The following SUGP2 variants were observed in gnomAD, a reference collection of about 807,000 sequenced individuals.
SUGP2 encodes SURP and G-patch domain-containing protein 2.
In SUGP2, 24 loss-of-function variants were observed where a neutral mutation model predicts 90.5. The ratio of observed to expected loss-of-function variants is 0.27; its 90% CI spans 0.19 to 0.37. The LOEUF (loss-of-function observed/expected upper bound fraction) is 0.37. Ranked by LOEUF, SUGP2 falls within the 10% of genes least tolerant of loss-of-function variation. The probability of loss-of-function intolerance (pLI) is 1.00; values close to 1 mark genes in which losing one functional copy is unlikely to be tolerated. For missense variants in SUGP2, 1,233 were observed against 1,363.3 expected, an observed-to-expected ratio of 0.90 and a Z score of 1.51; for synonymous variants, 473 against 513.4, an observed-to-expected ratio of 0.92 and a Z score of 1.06.
chr19:19,009,617 C>G (rs2058223988), intron 5 of SUGP2, among the ~76,000 whole-genome samples: 1 of 152,200 alleles, frequency 6.6e-6, no homozygotes, highest in South Asian at 2.1e-4. Flanking sequence ...AGGCATGGGG[C>G]AGCACCTCAT....
chr19:18,999,566 C>T (rs996427066), intron 8 of SUGP2, among the ~76,000 whole-genome samples: 2 of 152,198 alleles, frequency 1.3e-5, no homozygotes, highest in African/African-American at 4.8e-5. Flanking sequence ...CAGATGCCAG[C>T]TCAGCCTAAA....
chr19:19,026,098 C>G lies in SUGP2; in HGVS notation c.250G>C (p.Val84Leu), dbSNP rs766348724. ...GATCTGAAGGAAGGCCCTGGAAATACGTCACTTCTCAGGCCTTCTCTTCCG... is the reference window on the plus strand; with the variant it reads ...GATCTGAAGGAAGGCCCTGGAAATAGGTCACTTCTCAGGCCTTCTCTTCCG... ...DAGREGLRSD[V>L]FPGPSFRSSN... is the part of the protein sequence containing the mutation. Residue 84 changes from valine (V) to leucine (L), a missense_variant, in exon 3 of 11, where the codon GTA becomes CTA. By Grantham distance (32) the Val-to-Leu change is conservative. Coordinates refer to ENST00000452918, the MANE Select transcript of SUGP2 (RefSeq NM_001017392.5). 1.3e-5 allele frequency: 21 copies of G among 1,614,164 alleles called. No individual in the cohort carries two copies. The highest frequency in any genetic ancestry group is 1.8e-5 in the Non-Finnish European group (21 of 1,180,034).
At chr19:18,994,321 C>A (rs755601105) in intron 10 of SUGP2, 45 bp downstream of exon 10, 3 of 1,591,778 alleles carry the variant, frequency 1.9e-6, no homozygotes, top group African/African-American at 1.3e-5. Context: ...CATACCAGCA[C>A]GCCAGCGAGG....
At chr19:19,019,331 G>C in intron 3 of SUGP2, 102 bp from the exon 4 acceptor site, 1 of 1,336,416 alleles carries the variant, frequency 7.5e-7, no homozygotes, top group Non-Finnish European at 1.0e-6. Flanking sequence ...AACCCAAGCA[G>C]GCATCAACAA....
At position 19,026,179 on chromosome 19, in the gene SUGP2, C is replaced by T. The variant is rs770764771; in HGVS notation, c.169G>A (p.Val57Ile). Residue 57 changes from valine (V) to isoleucine (I), a missense_variant, in exon 3 of 11, where the codon GTC becomes ATC. By Grantham distance (29) the Val-to-Ile change is conservative. Coordinates refer to ENST00000452918, the MANE Select transcript of SUGP2 (RefSeq NM_001017392.5). ...PRSRAEMYDD[V>I]HSDGRYSLSG... ...AGGGAGTATCTGCCATCGCTGTGGACGTCATCATACATCTCTGCTCTGGAT... is the reference window on the plus strand; with the variant it reads ...AGGGAGTATCTGCCATCGCTGTGGATGTCATCATACATCTCTGCTCTGGAT... The T allele has an allele frequency of 1.4e-5, 23 of 1,611,868 alleles. No individual in the cohort carries two copies. Among genetic ancestry groups the T allele is most frequent in the Admixed American group, 3.3e-5 (2 of 59,814 alleles).
At chr19:19,030,189 A>G (rs2059099426) in intron 2 of SUGP2, among the ~76,000 whole-genome samples, 1 of 151,978 alleles carries the variant, frequency 6.6e-6, no homozygotes, top group South Asian at 2.1e-4. Context: ...AACATAAAAA[A>G]CACCAAAAAA....
chr19:19,006,961 C>T (rs962193681), intron 6 of SUGP2, among the ~76,000 whole-genome samples: 8 of 152,200 alleles, frequency 5.3e-5, no homozygotes, highest in South Asian at 2.1e-4. Flanking sequence ...GAGAAATGCA[C>T]GTTTTCAACT....
At chr19:19,033,633 T>C, upstream of SUGP2, 1 of 1,120,590 alleles carries the variant, frequency 8.9e-7, no homozygotes, top group Non-Finnish European at 1.1e-6. Flanking sequence ...AAGCGCGCTG[T>C]CCGCTTCTTC....
At chr19:19,023,190 C>A (rs1391256740) in intron 3 of SUGP2, among the ~76,000 whole-genome samples, 1 of 152,098 alleles carries the variant, frequency 6.6e-6, no homozygotes, top group Non-Finnish European at 1.5e-5. Context: ...AAGGTGTATC[C>A]ACTATGTGGA....
chr19:19,002,776 G>A (rs1253029999), intron 7 of SUGP2, among the ~76,000 whole-genome samples: 1 of 151,902 alleles, frequency 6.6e-6, no homozygotes, highest in East Asian at 1.9e-4. Flanking sequence ...GCCTCCCAGA[G>A]TGCTGGGATT....
rs2057337349 is a variant in SUGP2, at chr19:18,990,982, T to C, written c.*2759A>G. The stretch of plus-strand genomic sequence containing the variant: ...TAAAAAACAGAAACAAAAGAAAACT[T>C]CCATTTTGTAACATCACAAATGTCT... On this transcript the variant is annotated 3_prime_UTR_variant, in exon 11 of 11. Transcript: ENST00000452918. 1 of 152,150 alleles carries C rather than the reference T, an allele frequency of 6.6e-6. No individual in the cohort carries two copies. Among genetic ancestry groups the C allele is most frequent in the Admixed American group, 6.5e-5 (1 of 15,278 alleles). 9.4% of individuals were successfully genotyped at this position (152,150 alleles called of 1,614,324 possible).
At chr19:19,033,279 C>T in intron 1 of SUGP2, 158 bp downstream of exon 1, 1 of 853,616 alleles carries the variant, frequency 1.2e-6, no homozygotes, top group Non-Finnish European at 1.4e-6. Context: ...AGGCCGCAGC[C>T]GGCCACCCAG....
intron 3 of SUGP2, among the ~76,000 whole-genome samples, chr19:19,022,741 A>G (rs1015532484): frequency 2.0e-5 from 3 of 152,064 alleles, no homozygotes; most frequent in Non-Finnish European, 4.4e-5. Context: ...TTAAGCCCTG[A>G]GCCTACTTCT....
At chr19:18,996,258 T>C (rs764550066) in intron 8 of SUGP2, among the ~76,000 whole-genome samples, 1 of 152,246 alleles carries the variant, frequency 6.6e-6, no homozygotes, top group East Asian at 1.9e-4. Context: ...TAGCCAGGCA[T>C]GGTGGCAGGC....
At position 19,025,290 on chromosome 19, in the gene SUGP2, G is replaced by C. The variant is rs199867355; in HGVS notation, c.1058C>G (p.Thr353Ser). 5.7e-4 allele frequency: 920 copies of C among 1,613,314 alleles called. 8 individuals are homozygous for C. The highest frequency in any genetic ancestry group is 5.1e-3 in the South Asian group (467 of 90,924). The change falls in exon 3 of 11, where the codon ACT (threonine) becomes AGT (serine). Residue 353 changes from threonine to serine, a missense_variant. Physicochemically the swap from Thr to Ser is moderately conservative, Grantham distance 58 (BLOSUM62 1). Around this residue, in one of 8 missense-constraint regions of SUGP2, gnomAD observed 55 missense variants for 82.0 expected, o/e 0.67. Coordinates refer to ENST00000452918, the MANE Select transcript of SUGP2 (RefSeq NM_001017392.5). ...GGTTTCTGTTTCAAGTTCAAAGAGA[G>C]TCTGGAAAAGTTGGGAAAATTTAAT... ...DDIKFSQLFQ[T>S]LFELETETCA...
chr19:19,015,424 A>G (rs1044945876), intron 4 of SUGP2, among the ~76,000 whole-genome samples: 2 of 152,208 alleles, frequency 1.3e-5, no homozygotes, highest in African/African-American at 4.8e-5. Flanking sequence ...CATGCACACC[A>G]GAAACCTAAG....
chr19:18,996,950 C>A (rs74906295), intron 8 of SUGP2, among the ~76,000 whole-genome samples: 187 of 151,062 alleles, frequency 1.2e-3, no homozygotes, highest in African/African-American at 3.0e-3. Context: ...TGAGGAGGAT[C>A]ACGGGGGCTG....
At chr19:18,998,263 G>A (rs2057690112) in intron 8 of SUGP2, among the ~76,000 whole-genome samples, 1 of 152,192 alleles carries the variant, frequency 6.6e-6, no homozygotes, top group Non-Finnish European at 1.5e-5. Flanking sequence ...TATGGCTCCT[G>A]TGCTTATGCA....
rs1386435310 is a variant in SUGP2, at chr19:18,993,196, T to C, written c.*545A>G. On this transcript the variant is annotated 3_prime_UTR_variant, in exon 11 of 11. Coordinates refer to ENST00000452918, the MANE Select transcript of SUGP2 (RefSeq NM_001017392.5). ...CATTGATGAGATGAGACACCATGAA[T>C]AACACATTCATCAACTCAAGTATGG... 6.6e-6 allele frequency: 1 copy of C among 152,214 alleles called. No individual in the cohort carries two copies. 9.4% of individuals were successfully genotyped at this position (152,214 alleles called of 1,614,324 possible). A position where few individuals can be genotyped will look rare whatever the true frequency, so the allele number is the denominator to read the frequency against.
Sources: allele counts gnomAD v4.1 joint callset (sites outside exome capture counted in the v4.1 genomes callset), GRCh38; gene constraint gnomAD v4.1.1; regional missense constraint gnomAD v4.1.1; transcripts MANE v1.5; gene names NCBI Gene and HGNC (gene_info 2026-07-23, HGNC 2026-07-21).